Variants in CNKSR3 observed in about 807,000 individuals in gnomAD.
The protein encoded by CNKSR3 is connector enhancer of kinase suppressor of ras 3.
CNKSR3 carries 36 observed loss-of-function variants against 67.7 expected under a neutral mutation model. The ratio of observed to expected loss-of-function variants is 0.53; its 90% confidence interval spans 0.41 to 0.70. The LOEUF is 0.70. Among genes scored for constraint, CNKSR3 ranks in the 30% least tolerant of loss-of-function variants. The pLI is 0.00. For synonymous variants in CNKSR3, 281 were observed against 271.4 expected, an observed-to-expected ratio of 1.04 and a Z score of -0.35; for missense variants, 630 against 695.2, an observed-to-expected ratio of 0.91 and a Z score of 1.05.
chr6:154,458,746 C>G (rs1278323052), intron 1 of CNKSR3, among the ~76,000 whole-genome samples: 2 of 152,188 alleles, frequency 1.3e-5, no homozygotes, highest in African/African-American at 4.8e-5. Flanking sequence ...GGCTTCCCAT[C>G]AGTGGATTAG....
chr6:154,470,963 A>G (rs893195261), intron 1 of CNKSR3, among the ~76,000 whole-genome samples: 2 of 152,184 alleles, frequency 1.3e-5, no homozygotes, highest in African/African-American at 4.8e-5. Flanking sequence ...CATCGTTTTT[A>G]GTATAGCCAT....
chr6:154,415,116 A>AAAC (rs1784994126), intron 9 of CNKSR3, among the ~76,000 whole-genome samples: 1 of 144,504 alleles, frequency 6.9e-6, no homozygotes, highest in African/African-American at 2.7e-5. Context: ...AAAAAAAAAA[A>AAAC]AAAAAACAAG....
Position 154,433,683 on chromosome 6 carries a change from T to G in CNKSR3, c.508-176A>C, listed in dbSNP as rs558464520. 1.0e-5 allele frequency: 6 copies of G among 594,612 alleles called. No homozygotes were observed. In the East Asian group the frequency reaches 1.7e-4, roughly 17 times the overall value. 36.8% of individuals were successfully genotyped at this position (594,612 alleles called of 1,614,324 possible). On this transcript the variant is annotated intron_variant, in intron 4 of 12. Transcript: ENST00000607772. ...TGAGAGGGCAGAGTGGGAACAGAGC[T>G]GACGTTTGCACCTTCCGAAGGTCCT...
At position 154,398,792 on chromosome 6, in the gene CNKSR3, ATACTC is replaced by A; in HGVS notation, c.*7557_*7561del. ...GACAAATCAAGTCAATATTGAAAGA[ATACTC>A]TAGGCGGGGCGCAGTGGCTCACGCC... On this transcript the variant is annotated 3_prime_UTR_variant, in exon 13 of 13. Coordinates refer to ENST00000607772, the MANE Select transcript of CNKSR3 (RefSeq NM_173515.4). The A allele has an allele frequency of 6.6e-6, 1 of 152,228 alleles. No homozygotes were observed. The highest frequency in any genetic ancestry group is 2.4e-5 in the African/African-American group (1 of 41,464). The allele number at this position is 152,228 out of a possible 1,614,324, so 9.4% of individuals were successfully genotyped here. A position where few individuals can be genotyped will look rare whatever the true frequency, so the allele number is the denominator to read the frequency against.
intron 7 of CNKSR3, among the ~76,000 whole-genome samples, chr6:154,423,778 T>C (rs1446957674): frequency 6.6e-6 from 1 of 152,208 alleles, no homozygotes; most frequent in Non-Finnish European, 1.5e-5. Context: ...AAATAGAAAG[T>C]TGGTGGCAAC....
At position 154,406,258 on chromosome 6, in the gene CNKSR3, T is replaced by C; in HGVS notation, c.*96A>G. The C allele has an allele frequency of 1.7e-6, 2 of 1,161,858 alleles. No individual in the cohort carries two copies. The highest frequency in any genetic ancestry group is 1.6e-5 in the South Asian group (1 of 63,696). 72.0% of individuals were successfully genotyped at this position (1,161,858 alleles called of 1,614,324 possible). On this transcript the variant is annotated 3_prime_UTR_variant, in exon 13 of 13. Transcript: ENST00000607772. ...AGAAAAAGAAATTGCATAAGGTCCC[T>C]ACATAATACTGAGGCTGAAACGAGA... is the stretch of plus-strand genomic sequence containing the variant.
At chr6:154,466,476 C>T (rs1786201139) in intron 1 of CNKSR3, among the ~76,000 whole-genome samples, 1 of 152,174 alleles carries the variant, frequency 6.6e-6, no homozygotes, top group African/African-American at 2.4e-5. Context: ...GTTCACACTC[C>T]CAGAGTCCAG....
rs1784696298 is a variant in CNKSR3 at position 154,399,695 on chromosome 6, AAACGG to A, written c.*6654_*6658del. The A allele has an allele frequency of 6.6e-6, 1 of 152,152 alleles. No individual in the cohort carries two copies. Among genetic ancestry groups the A allele is most frequent in the African/African-American group, 2.4e-5 (1 of 41,440 alleles). 9.4% of individuals were successfully genotyped at this position (152,152 alleles called of 1,614,324 possible). A position where few individuals can be genotyped will look rare whatever the true frequency, so the allele number is the denominator to read the frequency against. Reference sequence around the variant, plus strand: ...ACAGGAAGTTTAGATATGAGTAAGAAAACGGAACCTGACACTGAGTTAAAAGGACA... The same window carrying A: ...ACAGGAAGTTTAGATATGAGTAAGAAAACCTGACACTGAGTTAAAAGGACA... On this transcript the variant is annotated 3_prime_UTR_variant, in exon 13 of 13. Transcript: ENST00000607772.
intron 4 of CNKSR3, among the ~76,000 whole-genome samples, chr6:154,435,197 T>C (rs2128716410): frequency 6.6e-6 from 1 of 152,158 alleles, no homozygotes; most frequent in Non-Finnish European, 1.5e-5. Context: ...GGTTTCACCA[T>C]GTTGCCCAGG....
intron 1 of CNKSR3, among the ~76,000 whole-genome samples, chr6:154,461,972 A>C (rs2128721012): frequency 1.3e-5 from 2 of 152,332 alleles, no homozygotes; most frequent in African/African-American, 4.8e-5. Context: ...CAATACAAGG[A>C]GGCTGGAAAA....
chr6:154,455,111 CG>C lies in CNKSR3; in HGVS notation c.53-4854del, dbSNP rs1457474908. 6.3e-3 allele frequency among the ~76,000 whole-genome samples: 443 copies of C among 70,628 alleles called. 3 individuals are homozygous for C. The highest frequency in any genetic ancestry group is 0.029 in the African/African-American group (431 of 14,880). The allele number at this position is 70,628 out of a possible 152,430, so 46.3% of individuals were successfully genotyped here. A position where few individuals can be genotyped will look rare whatever the true frequency, so the allele number is the denominator to read the frequency against. ...ATCACTTGAGGTCAGGAGTTCGAGACGAGGCCTGGCCAACATGGTGAAACCC... is the reference window on the plus strand; with the variant it reads ...ATCACTTGAGGTCAGGAGTTCGAGACAGGCCTGGCCAACATGGTGAAACCC... On this transcript the variant is annotated intron_variant, in intron 1 of 12. Coordinates refer to ENST00000607772, the MANE Select transcript of CNKSR3 (RefSeq NM_173515.4).
chr6:154,490,356 C>T (rs1414241193), intron 1 of CNKSR3, among the ~76,000 whole-genome samples: 1 of 151,752 alleles, frequency 6.6e-6, no homozygotes, highest in Non-Finnish European at 1.5e-5. Flanking sequence ...AAATAATGAG[C>T]CCTAAAAAAT....
intron 1 of CNKSR3, among the ~76,000 whole-genome samples, chr6:154,505,722 G>T (rs1410983740): frequency 2.0e-5 from 3 of 148,614 alleles, no homozygotes; most frequent in Non-Finnish European, 4.4e-5. Context: ...GGATGGTCTC[G>T]ATCTCCTGAC....
At chr6:154,451,461 C>T (rs1785824513) in intron 1 of CNKSR3, among the ~76,000 whole-genome samples, 1 of 151,438 alleles carries the variant, frequency 6.6e-6, no homozygotes, top group African/African-American at 2.4e-5. Context: ...GCTGCCCCTC[C>T]CCACCAAACG....
chr6:154,427,390 A>C (rs949359605), intron 7 of CNKSR3, among the ~76,000 whole-genome samples: 1 of 152,214 alleles, frequency 6.6e-6, no homozygotes, highest in Non-Finnish European at 1.5e-5. Context: ...TAATTCCCCC[A>C]AATACATGCT....
At chr6:154,453,938 A>G (rs1277918273) in intron 1 of CNKSR3, among the ~76,000 whole-genome samples, 3 of 152,158 alleles carry the variant, frequency 2.0e-5, no homozygotes, top group Non-Finnish European at 4.4e-5. Flanking sequence ...CATTTATACA[A>G]ATTAAACACA....
At chr6:154,497,076 C>T (rs56225655) in intron 1 of CNKSR3, among the ~76,000 whole-genome samples, 11,789 of 152,106 alleles carry the variant, frequency 0.078, 524 homozygotes, top group African/African-American at 0.13. Flanking sequence ...AGAGCCTGGC[C>T]CTTAAAGAAT....
chr6:154,401,063 C>G lies in CNKSR3; in HGVS notation c.*5291G>C, dbSNP rs1330276754. 6.6e-6 allele frequency: 1 copy of G among 152,170 alleles called. No homozygotes were observed. The highest frequency in any genetic ancestry group is 1.5e-5 in the Non-Finnish European group (1 of 68,032). 9.4% of individuals were successfully genotyped at this position (152,170 alleles called of 1,614,324 possible). On this transcript the variant is annotated 3_prime_UTR_variant, in exon 13 of 13. Transcript: ENST00000607772. Reference sequence around the variant, plus strand: ...ACGTATTGGAAGAAACATCAGAAATCAGCTTTTGTGTGCTCCTTAAGCCAG... The same window carrying G: ...ACGTATTGGAAGAAACATCAGAAATGAGCTTTTGTGTGCTCCTTAAGCCAG...
intron 1 of CNKSR3, among the ~76,000 whole-genome samples, chr6:154,468,371 C>T (rs1306899280): frequency 6.8e-6 from 1 of 146,740 alleles, no homozygotes; most frequent in Non-Finnish European, 1.5e-5. Flanking sequence ...TGAGCCACTG[C>T]ACCCAGCCCA....
Sources: allele counts gnomAD v4.1 joint callset (sites outside exome capture counted in the v4.1 genomes callset), GRCh38; gene constraint gnomAD v4.1.1; transcripts MANE v1.5; gene names NCBI Gene and HGNC (gene_info 2026-07-23, HGNC 2026-07-21).